The following NPIPB11 variants were observed in gnomAD, a reference collection of about 807,000 sequenced individuals.
NPIPB11 encodes the protein nuclear pore complex interacting protein family member B11.
NPIPB11 carries 17 observed loss-of-function variants against 32.8 expected under a neutral mutation model. That is an observed-to-expected ratio of 0.52 (90% CI 0.35 to 0.78). The LOEUF is 0.78. Among genes scored for constraint, NPIPB11 ranks in the 30% least tolerant of loss-of-function variants. The probability of loss-of-function intolerance (pLI) is 0.01; values close to 1 mark genes in which losing one functional copy is unlikely to be tolerated. For missense variants in NPIPB11, 537 were observed against 1,000.4 expected (o/e 0.54, Z 6.25); for synonymous variants, 209 against 398.4 (o/e 0.52, Z 5.66).
exon 8 of NPIPB11, chr16:29,382,341 G>C: frequency 1.7e-6 from 1 of 591,478 alleles, no homozygotes; most frequent in Non-Finnish European, 2.9e-6. Context: ...GTGGAGCTGA[G>C]GGTGGAAGGG....
At chr16:29,390,172 C>A (rs1339173387) in intron 4 of NPIPB11, 36 bp from the exon 5 acceptor site, 2 of 1,413,822 alleles carry the variant, frequency 1.4e-6, no homozygotes, top group East Asian at 2.3e-5. Flanking sequence ...GGTGAGAAAC[C>A]TGAGGGCAAG....
chr16:29,399,932 C>G (rs1383972263), intron 2 of NPIPB11, among the ~76,000 whole-genome samples: 1 of 151,512 alleles, frequency 6.6e-6, no homozygotes, highest in Non-Finnish European at 1.5e-5. Flanking sequence ...CAAAAATTAG[C>G]CAGGCACGGT....
At chr16:29,391,048 C>T (rs12596536) in intron 3 of NPIPB11, among the ~76,000 whole-genome samples, 6,855 of 150,352 alleles carry the variant, frequency 0.046, 406 homozygotes, top group East Asian at 0.29. Context: ...GCGGGTGAAT[C>T]ACAAGGTCAA....
chr16:29,406,482 C>A (rs1290810567), upstream of NPIPB11, among the ~76,000 whole-genome samples: 1 of 152,202 alleles, frequency 6.6e-6, no homozygotes, highest in Admixed American at 6.5e-5. Flanking sequence ...CTTTGGGAGA[C>A]AAAGGCAGGT....
intron 2 of NPIPB11, among the ~76,000 whole-genome samples, chr16:29,402,519 T>A (rs1964015059): frequency 1.2e-5 from 1 of 84,434 alleles, no homozygotes; most frequent in Non-Finnish European, 2.1e-5. Context: ...CTGGCCAATA[T>A]GGTGAAACCC....
rs1237408131 is a variant in NPIPB11, at chr16:29,384,117, G to A, written c.815C>T (p.Thr272Ile). Residue 272 changes from threonine to isoleucine, a missense_variant, in exon 8 of 8, where the codon ACT becomes ATT. Physicochemically the swap from Thr to Ile is moderately conservative, Grantham distance 89. Coordinates refer to ENST00000524087, the Ensembl canonical transcript of NPIPB11. ...ATCATCCGCTGAGGGTGGAAGGGGA[G>A]TGAGCAGACACTCGAGAGGTGTCTT... 3 of 1,321,566 alleles carry A rather than the reference G, an allele frequency of 2.3e-6. 1 individual carries two copies. Among genetic ancestry groups the A allele is most frequent in the Non-Finnish European group, 3.0e-6 (3 of 990,116 alleles). 81.9% of individuals were successfully genotyped at this position (1,321,566 alleles called of 1,614,324 possible). A position where few individuals can be genotyped will look rare whatever the true frequency, so the allele number is the denominator to read the frequency against.
chr16:29,391,393 G>A (rs1596676300), intron 3 of NPIPB11, among the ~76,000 whole-genome samples: 3 of 147,356 alleles, frequency 2.0e-5, no homozygotes, highest in African/African-American at 5.1e-5. Flanking sequence ...AACTTGAAAA[G>A]GAAGTAATTA....
chr16:29,389,695 AAAAG>A (rs1963663794), intron 5 of NPIPB11, among the ~76,000 whole-genome samples: 2 of 138,566 alleles, frequency 1.4e-5, no homozygotes, highest in South Asian at 4.6e-4. Flanking sequence ...AAAAAAAAAA[AAAAG>A]AGAAAGGAAA....
intron 2 of NPIPB11, chr16:29,397,728 C>T (rs1325167989): frequency 5.8e-5 from 19 of 328,122 alleles, no homozygotes; most frequent in South Asian, 2.1e-4. Flanking sequence ...GGACGGGGAC[C>T]GGGCCCGGAT....
intron 2 of NPIPB11, among the ~76,000 whole-genome samples, chr16:29,399,273 A>G (rs1214753516): frequency 2.6e-5 from 4 of 151,890 alleles, no homozygotes. Context: ...GCTGAAAACC[A>G]CTGCTTTAAA....
At chr16:29,383,003 G>C in exon 8 of NPIPB11, 2 of 1,606,222 alleles carry the variant, frequency 1.2e-6, no homozygotes, top group South Asian at 2.2e-5. Flanking sequence ...CGCTCGGAAG[G>C]TGTCTTGAGA....
intron 2 of NPIPB11, among the ~76,000 whole-genome samples, 200 bp from the exon 3 acceptor site, chr16:29,394,276 G>A (rs966147254): frequency 1.3e-5 from 2 of 152,076 alleles, no homozygotes; most frequent in African/African-American, 4.8e-5. Context: ...GTGTTTTCAG[G>A]CACTGCAAAT....
At position 29,389,979 on chromosome 16, in the gene NPIPB11, A is replaced by T. The variant is rs568371911; in HGVS notation, c.507T>A (p.His169Gln). 1.2e-3 allele frequency: 1,969 copies of T among 1,590,886 alleles called. 13 individuals are homozygous for T. The highest frequency in any genetic ancestry group is 3.3e-3 in the South Asian group (300 of 90,370). ...TCTTCCTCTTTCCATTGATTTTGTC[A>T]TGACGGTTGATTTTCGTTGTCACCT... is the stretch of plus-strand genomic sequence containing the variant. The change falls in exon 5 of 8, where the codon CAT (histidine) becomes CAA (glutamine). Residue 169 changes from histidine to glutamine, a missense_variant. His to Gln is a conservative substitution (Grantham distance 24). Coordinates refer to ENST00000524087, the Ensembl canonical transcript of NPIPB11.
At chr16:29,405,430 A>G (rs1282196662), upstream of NPIPB11, among the ~76,000 whole-genome samples, 2 of 152,290 alleles carry the variant, frequency 1.3e-5, no homozygotes, top group Middle Eastern at 3.4e-3. Context: ...TGCAACTCAC[A>G]TTCTTATACG....
At chr16:29,405,747 G>C (rs1177935584), upstream of NPIPB11, among the ~76,000 whole-genome samples, 3 of 152,112 alleles carry the variant, frequency 2.0e-5, no homozygotes, top group African/African-American at 7.2e-5. Flanking sequence ...CTTGTTTCAA[G>C]TCCAAGAATG....
intron 5 of NPIPB11, among the ~76,000 whole-genome samples, chr16:29,389,225 TGTG>T (rs111574103): frequency 0.46 from 65,828 of 142,336 alleles, 15,805 homozygotes; most frequent in Middle Eastern, 0.62. Flanking sequence ...ATTGGTCAAA[TGTG>T]GTGGCACACA....
rs183850634 is a variant in NPIPB11 at position 29,383,087 on chromosome 16, G to T, written c.1845C>A (p.His615Gln). Reference sequence around the variant, plus strand: ...ATCTTGATATTATCATCTGCTGAGGGTGGAGCTGAGGGTGGAAGGGGAGTG... The same window carrying T: ...ATCTTGATATTATCATCTGCTGAGGTTGGAGCTGAGGGTGGAAGGGGAGTG... Residue 615 changes from histidine (H) to glutamine (Q), a missense_variant, in exon 8 of 8, where the codon CAC (histidine) becomes CAA (glutamine). Physicochemically the swap from His to Gln is conservative, Grantham distance 24. Coordinates refer to ENST00000524087, the Ensembl canonical transcript of NPIPB11. The T allele has an allele frequency of 6.9e-3, 11,069 of 1,593,652 alleles. 759 individuals carry two copies. The African/African-American group carries it at 0.13, about 19-fold the overall frequency.
At chr16:29,402,082 C>T (rs898553949) in intron 2 of NPIPB11, among the ~76,000 whole-genome samples, 3 of 151,170 alleles carry the variant, frequency 2.0e-5, no homozygotes, top group South Asian at 2.1e-4. Flanking sequence ...TAACCTCAGG[C>T]TTAACTTTCA....
intron 2 of NPIPB11, among the ~76,000 whole-genome samples, chr16:29,402,898 AC>A (rs1472995897): frequency 1.5e-5 from 2 of 134,706 alleles, no homozygotes; most frequent in Non-Finnish European, 3.1e-5. Context: ...AGCATTCAAA[AC>A]AAATGAAGGA....
Sources: allele counts gnomAD v4.1 joint callset (sites outside exome capture counted in the v4.1 genomes callset), GRCh38; gene constraint gnomAD v4.1.1; transcripts MANE v1.5; gene names NCBI Gene and HGNC (gene_info 2026-07-23, HGNC 2026-07-21).